HNRNPUL1: variants seen among roughly 807,000 people sequenced by gnomAD.
HNRNPUL1 encodes the protein heterogeneous nuclear ribonucleoprotein U-like protein 1.
In HNRNPUL1, 14 loss-of-function variants were observed where a neutral mutation model predicts 108.5. The observed-to-expected ratio is 0.13, with a 90% CI of 0.09 to 0.20. The LOEUF is 0.20. HNRNPUL1 is among the 10% of genes least tolerant of loss of function. The pLI is 1.00. For synonymous variants in HNRNPUL1, 422 were observed against 445.2 expected, an observed-to-expected ratio of 0.95 and a Z score of 0.66; for missense variants, 804 against 1,168.3, an observed-to-expected ratio of 0.69 and a Z score of 4.55.
intron 7 of HNRNPUL1, among the ~76,000 whole-genome samples, chr19:41,289,315 T>G (rs1166417232): frequency 6.6e-6 from 1 of 152,164 alleles, no homozygotes; most frequent in African/African-American, 2.4e-5. Flanking sequence ...GGGAGGACAT[T>G]GGTGTCAAAT....
rs558671032 is a variant in HNRNPUL1 at position 41,296,790 on chromosome 19, A to T, written c.1518+2104A>T. On this transcript the variant is annotated intron_variant, in intron 10 of 14. Coordinates refer to ENST00000392006, the MANE Select transcript of HNRNPUL1 (RefSeq NM_007040.6). Reference sequence around the variant, plus strand: ...TTTCCAAAGGGGAAACCCATACTACAGGCAAAATCCCTGCAGTTCCTGGAT... The same window carrying T: ...TTTCCAAAGGGGAAACCCATACTACTGGCAAAATCCCTGCAGTTCCTGGAT... 1.3e-4 allele frequency among the ~76,000 whole-genome samples: 20 copies of T among 152,328 alleles called. No homozygotes were observed. In the South Asian group the frequency reaches 2.5e-3, roughly 19 times the overall value.
chr19:41,277,197 C>G (rs2035617172), intron 5 of HNRNPUL1, among the ~76,000 whole-genome samples: 1 of 152,128 alleles, frequency 6.6e-6, no homozygotes, highest in African/African-American at 2.4e-5. Flanking sequence ...GAGGGAACTT[C>G]TGTGTTAACA....
chr19:41,289,803 C>G (rs1218189927), intron 7 of HNRNPUL1, among the ~76,000 whole-genome samples: 2 of 149,840 alleles, frequency 1.3e-5, no homozygotes, highest in Non-Finnish European at 3.0e-5. Context: ...ACCTCCAACT[C>G]CCTAGTTCAA....
intron 11 of HNRNPUL1, 116 bp from the exon 12 acceptor site, chr19:41,302,549 C>CA: frequency 7.8e-7 from 1 of 1,289,694 alleles, no homozygotes; most frequent in Non-Finnish European, 1.1e-6. Context: ...TTCACTATTC[C>CA]AGTTTTCTTC....
intron 10 of HNRNPUL1, among the ~76,000 whole-genome samples, chr19:41,296,514 G>A (rs1372409758): frequency 6.6e-6 from 1 of 152,230 alleles, no homozygotes; most frequent in Non-Finnish European, 1.5e-5. Flanking sequence ...GGATTGCCTC[G>A]GGGCCTGAAG....
At chr19:41,273,217 G>A (rs2035346051) in intron 3 of HNRNPUL1, among the ~76,000 whole-genome samples, 1 of 152,172 alleles carries the variant, frequency 6.6e-6, no homozygotes, top group African/African-American at 2.4e-5. Context: ...GATGAGCACA[G>A]CTCATCCATG....
chr19:41,305,596 C>T (rs759467246), intron 13 of HNRNPUL1, 80 bp from the exon 14 acceptor site: 118 of 1,577,192 alleles, frequency 7.5e-5, no homozygotes, highest in Non-Finnish European at 9.9e-5. Context: ...TTAAAAAGGC[C>T]CTTTTTCCAT....
chr19:41,268,117 C>T (rs2122419190), intron 1 of HNRNPUL1, 106 bp from the exon 2 acceptor site: 1 of 1,045,716 alleles, frequency 9.6e-7, no homozygotes, highest in Non-Finnish European at 1.4e-6. Flanking sequence ...ATTATTCTTA[C>T]CACTCTTAGT....
chr19:41,272,934 T>C (rs931916623), intron 3 of HNRNPUL1, among the ~76,000 whole-genome samples: 4 of 152,204 alleles, frequency 2.6e-5, no homozygotes, highest in African/African-American at 9.7e-5. Context: ...AAACTAGGAA[T>C]GGCCACTGTA....
In HNRNPUL1 at chr19:41,302,686, T is replaced by C; in HGVS notation, c.1709T>C (p.Val570Ala). ...EMKANFTLPD[V>A]GDFLDEVLFI... ...CTAGCCAACTTCACGTTGCCAGATG[T>C]TGGGGACTTCCTGGATGAGGTTCTG... The change falls in exon 12 of 15, where the codon GTT (valine) becomes GCT (alanine). Residue 570 changes from valine (V) to alanine (A), a missense_variant. Val to Ala is a moderately conservative substitution (Grantham distance 64). This residue lies in a region of HNRNPUL1 where 80 missense variants were observed against 221.8 expected (regional missense o/e 0.36). Coordinates refer to ENST00000392006, the MANE Select transcript of HNRNPUL1 (RefSeq NM_007040.6). 6.2e-7 allele frequency: 1 copy of C among 1,614,196 alleles called. No individual in the cohort carries two copies. The highest frequency in any genetic ancestry group is 1.1e-5 in the South Asian group (1 of 91,076).
In HNRNPUL1 at chr19:41,307,732, G is replaced by T. The variant is rs1346020431; in HGVS notation, c.*1167G>T. ...CTGCAGTTGGCCGTTAATTGGGGTG[G>T]GGGCCTCTTTAAAGGGAAATTATTT... is the stretch of plus-strand genomic sequence containing the variant. On this transcript the variant is annotated 3_prime_UTR_variant, in exon 15 of 15. Coordinates refer to ENST00000392006, the MANE Select transcript of HNRNPUL1 (RefSeq NM_007040.6). The T allele has an allele frequency of 6.6e-6, 1 of 152,556 alleles. No homozygotes were observed. The highest frequency in any genetic ancestry group is 2.1e-4 in the South Asian group (1 of 4,828). The allele number at this position is 152,556 out of a possible 1,614,324, so 9.5% of individuals were successfully genotyped here.
intron 3 of HNRNPUL1, 45 bp from the exon 4 acceptor site, chr19:41,273,937 C>T (rs1186273523): frequency 2.1e-6 from 3 of 1,428,828 alleles, no homozygotes; most frequent in Admixed American, 1.7e-5. Context: ...TTCCTTTGTG[C>T]TCATCCATTG....
chr19:41,284,840 A>G (rs922702065), intron 7 of HNRNPUL1, among the ~76,000 whole-genome samples: 1 of 152,024 alleles, frequency 6.6e-6, no homozygotes, highest in Non-Finnish European at 1.5e-5. Flanking sequence ...TACTAAAAAT[A>G]CAAAAATTAG....
chr19:41,268,355 T>TGAAG lies in HNRNPUL1; in HGVS notation c.418+10_418+11insGAAG, dbSNP rs2122425394. 6.2e-7 allele frequency: 1 copy of TGAAG among 1,612,576 alleles called. No homozygotes were observed. The highest frequency in any genetic ancestry group is 8.5e-7 in the Non-Finnish European group (1 of 1,179,380). ...CAGGCCTATCGTCCAGGTAGGAAAATACACATGGTTCATCTCTTTGGATGG... is the reference window on the plus strand; with the variant it reads ...CAGGCCTATCGTCCAGGTAGGAAAATGAAGACACATGGTTCATCTCTTTGGATGG... On this transcript the variant is annotated intron_variant, in intron 2 of 14. Coordinates refer to ENST00000392006, the MANE Select transcript of HNRNPUL1 (RefSeq NM_007040.6).
intron 13 of HNRNPUL1, 130 bp from the exon 14 acceptor site, chr19:41,305,546 T>C (rs945351367): frequency 2.7e-6 from 3 of 1,112,754 alleles, no homozygotes; most frequent in Non-Finnish European, 4.0e-6. Context: ...CCACAAACAA[T>C]GTCCACTAGG....
intron 6 of HNRNPUL1, among the ~76,000 whole-genome samples, chr19:41,279,378 T>C (rs184985884): frequency 4.6e-5 from 7 of 152,328 alleles, no homozygotes; most frequent in Admixed American, 3.9e-4. Flanking sequence ...GAAACAACTT[T>C]TCTGTGAAGA....
chr19:41,263,649 T>G (rs1473360779), upstream of HNRNPUL1, among the ~76,000 whole-genome samples: 2 of 152,244 alleles, frequency 1.3e-5, no homozygotes, highest in East Asian at 3.8e-4. Flanking sequence ...TCCTTCCAGA[T>G]TACGAACTGT....
intron 7 of HNRNPUL1, among the ~76,000 whole-genome samples, chr19:41,290,804 C>T (rs537045541): frequency 1.3e-5 from 2 of 152,302 alleles, no homozygotes; most frequent in Admixed American, 6.5e-5. Context: ...CACCTGTAAT[C>T]CCAGCACTTT....
At chr19:41,302,452 C>G in intron 11 of HNRNPUL1, 1 of 638,878 alleles carries the variant, frequency 1.6e-6, no homozygotes, top group Non-Finnish European at 2.9e-6. Context: ...CTCCTGACCT[C>G]AGGTGATCCA....
Sources: gnomAD v4.1 joint callset for allele counts (sites outside exome capture counted in the v4.1 genomes callset) on GRCh38, gnomAD v4.1.1 for gene constraint, gnomAD v4.1.1 regional missense constraint, MANE v1.5 for transcripts, NCBI Gene and HGNC (gene_info 2026-07-23, HGNC 2026-07-21) for gene names.